ODF2: variants seen among roughly 807,000 people sequenced by gnomAD.
The protein encoded by ODF2 is outer dense fiber of sperm tails 2, also known as outer dense fiber protein 2.
Under a neutral mutation model 110.2 loss-of-function variants are expected in ODF2, and 47 were observed. The observed-to-expected ratio is 0.43, with a 90% CI of 0.34 to 0.54. The LOEUF is 0.54. Ranked by LOEUF, ODF2 falls within the 20% of genes least tolerant of loss-of-function variation. The pLI, the probability that ODF2 is intolerant of heterozygous loss-of-function variation, is 0.03. For synonymous variants in ODF2, 352 were observed against 397.7 expected, an observed-to-expected ratio of 0.89 and a Z score of 1.37; for missense variants, 812 against 1,054.5, an observed-to-expected ratio of 0.77 and a Z score of 3.19.
Position 128,491,472 on chromosome 9 carries a change from A to T in ODF2, c.1537-954A>T, listed in dbSNP as rs976514032. ...CTGGAGTTTGAGATCAGCCTGGCCA[A>T]CATGGTAAAACCCCATCTCTACCAA... On this transcript the variant is annotated intron_variant, in intron 14 of 20. Coordinates refer to ENST00000604420, the Ensembl canonical transcript of ODF2. 2.6e-5 allele frequency among the ~76,000 whole-genome samples: 4 copies of T among 152,070 alleles called. 1 individual carries two copies. In the Middle Eastern group the frequency reaches 0.01, roughly 388 times the overall value.
rs1843151502 is a variant in ODF2, at chr9:128,485,313, C to T, written c.1291-52C>T. 2.1e-6 allele frequency: 2 copies of T among 958,142 alleles called. No individual in the cohort carries two copies. The highest frequency in any genetic ancestry group is 2.0e-5 in the Admixed American group (1 of 49,664). The allele number at this position is 958,142 out of a possible 1,614,324, so 59.4% of individuals were successfully genotyped here. A position where few individuals can be genotyped will look rare whatever the true frequency, so the allele number is the denominator to read the frequency against. ...GGATGAGCCCGCTCCCAGCTCCTGGCAGCCTCACCACTGACACTAGGCTAA... is the reference window on the plus strand; with the variant it reads ...GGATGAGCCCGCTCCCAGCTCCTGGTAGCCTCACCACTGACACTAGGCTAA... On this transcript the variant is annotated intron_variant, in intron 12 of 20. Coordinates refer to ENST00000604420, the Ensembl canonical transcript of ODF2. The surrounding 1 kb of genome is among the most constrained non-coding windows in gnomAD (Gnocchi z 5.0).
intron 5 of ODF2, among the ~76,000 whole-genome samples, chr9:128,470,018 A>AAAT (rs1554829083): frequency 1.8e-4 from 3 of 16,988 alleles, no homozygotes; most frequent in Non-Finnish European, 2.9e-4. Context: ...AAAAAAAAAA[A>AAAT]ATATATATAT....
At chr9:128,456,098 G>T, upstream of ODF2, 5 of 1,544,002 alleles carry the variant, frequency 3.2e-6, no homozygotes, top group Non-Finnish European at 4.4e-6. Context: ...GCCAATGGGC[G>T]AGCTGCCGAC....
intron 16 of ODF2, among the ~76,000 whole-genome samples, chr9:128,493,407 C>T (rs184564091): frequency 6.6e-6 from 1 of 152,024 alleles, no homozygotes; most frequent in African/African-American, 2.4e-5. Flanking sequence ...AACAAACAAA[C>T]AAAAAACCTC....
Position 128,485,342 on chromosome 9 carries a change from G to T in ODF2, c.1291-23G>T. ...CTCACCACTGACACTAGGCTAACAG[G>T]CCCTTTTGTCCCGTGTTCCCAGGAT... On this transcript the variant is annotated intron_variant, in intron 12 of 20. Coordinates refer to ENST00000604420, the Ensembl canonical transcript of ODF2. The surrounding 1 kb of genome is among the most constrained non-coding windows in gnomAD (Gnocchi z 5.0). 1 of 1,319,732 alleles carries T rather than the reference G, an allele frequency of 7.6e-7. No individual in the cohort carries two copies. The allele number at this position is 1,319,732 out of a possible 1,614,324, so 81.8% of individuals were successfully genotyped here.
chr9:128,463,795 T>G (rs893435823), intron 4 of ODF2, among the ~76,000 whole-genome samples: 3 of 94,712 alleles, frequency 3.2e-5, no homozygotes, highest in African/African-American at 1.1e-4. Context: ...CAAGTAGTGG[T>G]AAGCAGTGAT....
At chr9:128,461,187 T>G in intron 4 of ODF2, 120 bp downstream of exon 4, 1 of 1,274,356 alleles carries the variant, frequency 7.8e-7, no homozygotes, top group Non-Finnish European at 1.1e-6. Context: ...CCCCATTTAC[T>G]GAGGGCCTTG....
chr9:128,479,799 C>G (rs1023021459), intron 8 of ODF2, among the ~76,000 whole-genome samples: 24 of 152,124 alleles, frequency 1.6e-4, no homozygotes, highest in African/African-American at 5.8e-4. Context: ...ATATTAGAGA[C>G]AGAAAGCAGA....
intron 14 of ODF2, among the ~76,000 whole-genome samples, chr9:128,491,866 C>CT (rs753406341): frequency 0.045 from 5,864 of 130,946 alleles, 202 homozygotes; most frequent in Non-Finnish European, 0.071. Context: ...TCCCCATTTT[C>CT]TTTTTTTTTT....
In ODF2 at chr9:128,460,675, A is replaced by C; in HGVS notation, c.124-267A>C. Reference sequence around the variant, plus strand: ...CAGCGACCAGCAGCCAGGTAGGAGCATGCCAGTGGGGCGAGGTAGTAGCTG... The same window carrying C: ...CAGCGACCAGCAGCCAGGTAGGAGCCTGCCAGTGGGGCGAGGTAGTAGCTG... On this transcript the variant is annotated intron_variant, in intron 3 of 20. Transcript: ENST00000604420. 6.2e-7 allele frequency: 1 copy of C among 1,614,018 alleles called. No individual in the cohort carries two copies. Among genetic ancestry groups the C allele is most frequent in the Non-Finnish European group, 8.5e-7 (1 of 1,179,982 alleles).
chr9:128,494,329 C>T lies in ODF2; in HGVS notation c.1753-181C>T, dbSNP rs1011175938. 4.6e-5 allele frequency among the ~76,000 whole-genome samples: 7 copies of T among 152,204 alleles called. No homozygotes were observed. Among genetic ancestry groups the T allele is most frequent in the Non-Finnish European group, 1.0e-4 (7 of 68,026 alleles). ...GGATAACTAAATGAATGGCAAGCCA[C>T]CTGCTCAATGGCCAGCGGGGAGTGT... On this transcript the variant is annotated intron_variant, in intron 16 of 20. Transcript: ENST00000604420. The surrounding 1 kb of genome is among the most constrained non-coding windows in gnomAD (Gnocchi z 4.6).
intron 18 of ODF2, 193 bp from the exon 19 acceptor site, chr9:128,498,220 A>G (rs1299455691): frequency 1.4e-6 from 1 of 725,850 alleles, no homozygotes; most frequent in Admixed American, 3.9e-5. Context: ...TCTGTTCTCT[A>G]ACCAGTTGCT....
chr9:128,460,496 A>T, intron 3 of ODF2, 54 bp from the exon 3 acceptor site: 1 of 1,597,950 alleles, frequency 6.3e-7, no homozygotes, highest in Non-Finnish European at 8.5e-7. Flanking sequence ...TTTTATGCCC[A>T]GTTTACTCAT....
intron 6 of ODF2, among the ~76,000 whole-genome samples, chr9:128,472,675 CAG>C (rs1840322742): frequency 6.6e-6 from 1 of 152,192 alleles, no homozygotes; most frequent in East Asian, 1.9e-4. Flanking sequence ...TTGAGAGAAA[CAG>C]GGCCACAGGT....
intron 8 of ODF2, among the ~76,000 whole-genome samples, chr9:128,476,600 T>G (rs571991809): frequency 4.1e-4 from 63 of 151,808 alleles, no homozygotes; most frequent in Non-Finnish European, 6.5e-4. Context: ...GTTTTTTTGT[T>G]TGTTTCGTTT....
chr9:128,487,496 C>G (rs956877432), intron 13 of ODF2, among the ~76,000 whole-genome samples: 1 of 152,032 alleles, frequency 6.6e-6, no homozygotes, highest in Non-Finnish European at 1.5e-5. Flanking sequence ...TCTTTAGAAC[C>G]TGTGTAATTG....
chr9:128,492,533 T>A (rs1231419987), exon 15 of ODF2: 6 of 1,609,714 alleles, frequency 3.7e-6, no homozygotes, highest in Non-Finnish European at 5.1e-6. Flanking sequence ...ACTATAAGAG[T>A]CAGGTAGGCC....
chr9:128,492,180 T>C (rs1180000603), intron 14 of ODF2, among the ~76,000 whole-genome samples: 1 of 152,182 alleles, frequency 6.6e-6, no homozygotes, highest in African/African-American at 2.4e-5. Flanking sequence ...TTATCCCCAT[T>C]TTCTTTAATG....
exon 2 of ODF2, chr9:128,457,238 C>G: frequency 6.3e-7 from 1 of 1,593,170 alleles, no homozygotes; most frequent in South Asian, 1.1e-5. Context: ...GAGCGCCTCC[C>G]AAGTTTTCAT....
Sources: allele counts gnomAD v4.1 joint callset (sites outside exome capture counted in the v4.1 genomes callset), GRCh38; gene constraint gnomAD v4.1.1; non-coding constraint Gnocchi (gnomAD v3.1); transcripts MANE v1.5; gene names NCBI Gene and HGNC (gene_info 2026-07-23, HGNC 2026-07-21).